Variants in GALNT18 observed in about 807,000 individuals in gnomAD.
GALNT18 encodes the protein polypeptide N-acetylgalactosaminyltransferase 18.
A neutral mutation model predicts 69.5 loss-of-function variants in GALNT18; 44 were observed. That is an observed-to-expected ratio of 0.63 (90% CI 0.50 to 0.81). The LOEUF (loss-of-function observed/expected upper bound fraction) is 0.81, where lower values mean the gene tolerates loss of function less well. GALNT18 is among the 40% of genes least tolerant of loss of function. The pLI is 0.00. For missense variants in GALNT18, 715 were observed against 810.0 expected (o/e 0.88, Z 1.42); for synonymous variants, 364 against 318.2 (o/e 1.14, Z -1.53).
In GALNT18 at chr11:11,563,723, C is replaced by T. The variant is rs899740356; in HGVS notation, c.235+57636G>A. ...CCAACGCCAAGTCTAACACTCTCTC[C>T]TCCCAGCCCTGCCTCCCTAGCACCA... On this transcript the variant is annotated intron_variant, in intron 1 of 10. Transcript: ENST00000227756. The surrounding 1 kb of genome is among the most constrained non-coding windows in gnomAD (Gnocchi z 4.6). Among the ~76,000 whole-genome samples, 2 of 152,216 alleles carry T rather than the reference C, an allele frequency of 1.3e-5. No individual in the cohort carries two copies. Among genetic ancestry groups the T allele is most frequent in the Non-Finnish European group, 2.9e-5 (2 of 68,050 alleles).
intron 3 of GALNT18, among the ~76,000 whole-genome samples, chr11:11,411,395 T>C (rs1438594819): frequency 6.6e-6 from 1 of 152,216 alleles, no homozygotes; most frequent in Non-Finnish European, 1.5e-5. Flanking sequence ...CCTTGCTTAT[T>C]ATAAGCCTTG....
At chr11:11,395,817 A>G (rs1854312639) in intron 3 of GALNT18, among the ~76,000 whole-genome samples, 1 of 152,192 alleles carries the variant, frequency 6.6e-6, no homozygotes, top group Non-Finnish European at 1.5e-5. Flanking sequence ...AAGGATGGAG[A>G]GCAGGCTCTG....
intron 4 of GALNT18, among the ~76,000 whole-genome samples, chr11:11,378,162 T>G (rs1216506503): frequency 6.6e-6 from 1 of 152,224 alleles, no homozygotes; most frequent in East Asian, 1.9e-4. Flanking sequence ...ATGGCTGTGT[T>G]GCAGCCTTCA....
At chr11:11,516,544 T>A (rs530405911) in intron 1 of GALNT18, among the ~76,000 whole-genome samples, 64 of 152,162 alleles carry the variant, frequency 4.2e-4, no homozygotes, top group Non-Finnish European at 7.2e-4. Context: ...GGCAGAAGAA[T>A]CACTTGAACC....
intron 6 of GALNT18, among the ~76,000 whole-genome samples, chr11:11,364,363 A>G (rs1210825994): frequency 6.6e-6 from 1 of 152,240 alleles, no homozygotes; most frequent in Admixed American, 6.5e-5. Context: ...AGGAACACAC[A>G]TACTGTCTAT....
At chr11:11,358,859 A>ACACACACACACACACACACACACG (rs1554921791) in intron 6 of GALNT18, among the ~76,000 whole-genome samples, 1 of 130,010 alleles carries the variant, frequency 7.7e-6, no homozygotes, top group African/African-American at 3.0e-5. Flanking sequence ...ACACACACAC[A>ACACACACACACACACACACACACG]CACGCACAGA....
chr11:11,340,800 C>T lies in GALNT18; in HGVS notation c.1278+19G>A, dbSNP rs757746786. On this transcript the variant is annotated intron_variant, in intron 7 of 10. Coordinates refer to ENST00000227756, the MANE Select transcript of GALNT18 (RefSeq NM_198516.3). This position sits in a 1 kb window ranked among gnomAD's most constrained non-coding sequence, Gnocchi z 4.2. Reference sequence around the variant, plus strand: ...TTCCACCAATCCCCGAGAAACTCATCCCTACCGGAGATCCCTACCTCCTGC... The same window carrying T: ...TTCCACCAATCCCCGAGAAACTCATTCCTACCGGAGATCCCTACCTCCTGC... The T allele has an allele frequency of 2.3e-5, 37 of 1,586,150 alleles. No individual in the cohort carries two copies. The Admixed American group carries it at 6.4e-4, about 27-fold the overall frequency.
chr11:11,352,361 A>G, intron 6 of GALNT18: 1 of 1,614,098 alleles, frequency 6.2e-7, no homozygotes, highest in Admixed American at 1.7e-5. Context: ...AGCCATATAA[A>G]TCTTCTGTCC....
rs992894844 is a variant in GALNT18, at chr11:11,543,766, G to C, written c.235+77593C>G. On this transcript the variant is annotated intron_variant, in intron 1 of 10. Coordinates refer to ENST00000227756, the MANE Select transcript of GALNT18 (RefSeq NM_198516.3). This position sits in a 1 kb window ranked among gnomAD's most constrained non-coding sequence, Gnocchi z 5.1. The stretch of plus-strand genomic sequence containing the variant: ...ACTGACTCCTACATCCCATGGCTCT[G>C]TGATGTGACTGGGGCCCCGAATGTG... Among the ~76,000 whole-genome samples, 1 of 152,234 alleles carries C rather than the reference G, an allele frequency of 6.6e-6. No individual in the cohort carries two copies. The highest frequency in any genetic ancestry group is 2.1e-4 in the South Asian group (1 of 4,832).
intron 1 of GALNT18, among the ~76,000 whole-genome samples, chr11:11,533,938 A>T (rs896997672): frequency 6.6e-6 from 1 of 152,168 alleles, no homozygotes; most frequent in Non-Finnish European, 1.5e-5. Flanking sequence ...TCTGTCATGT[A>T]CCCCAGCCCC....
chr11:11,276,864 C>G (rs924830465), intron 10 of GALNT18, among the ~76,000 whole-genome samples: 73 of 152,302 alleles, frequency 4.8e-4, no homozygotes, highest in African/African-American at 1.5e-3. Context: ...ATGAAGCTGA[C>G]TTGATCATGG....
Position 11,314,580 on chromosome 11 carries a change from C to A in GALNT18, c.1512+12506G>T, listed in dbSNP as rs11021795. ...CTGGTCTGCCTCTCTTTTGCAACTA[C>A]CAAAAGAGAAATGGAAATAAGGTTC... is the stretch of plus-strand genomic sequence containing the variant. On this transcript the variant is annotated intron_variant, in intron 9 of 10. Transcript: ENST00000227756. The surrounding 1 kb of genome is among the most constrained non-coding windows in gnomAD (Gnocchi z 5.2). Among the ~76,000 whole-genome samples the A allele has an allele frequency of 0.19, 28,424 of 152,024 alleles. 3,498 individuals are homozygous for A. The highest frequency in any genetic ancestry group is 0.47 in the East Asian group (2,403 of 5,140).
intron 9 of GALNT18, among the ~76,000 whole-genome samples, chr11:11,295,605 A>C (rs182371274): frequency 1.1e-4 from 16 of 152,202 alleles, no homozygotes; most frequent in African/African-American, 2.9e-4. Context: ...ATTTCCATTG[A>C]AATGTTCCAT....
chr11:11,604,083 C>A lies in GALNT18; in HGVS notation c.235+17276G>T, dbSNP rs202235095. Among the ~76,000 whole-genome samples the A allele has an allele frequency of 3.3e-5, 5 of 152,292 alleles. No individual in the cohort carries two copies. The East Asian group carries it at 9.7e-4, about 29-fold the overall frequency. On this transcript the variant is annotated intron_variant, in intron 1 of 10. Transcript: ENST00000227756. The surrounding 1 kb of genome is among the most constrained non-coding windows in gnomAD (Gnocchi z 5.6). ...ATCTACGAGCAAGAAATTGGGCCCTCACCAAACACAGAATCCGCTATGCCT... is the reference window on the plus strand; with the variant it reads ...ATCTACGAGCAAGAAATTGGGCCCTAACCAAACACAGAATCCGCTATGCCT...
chr11:11,442,087 G>T (rs919706182), intron 2 of GALNT18, among the ~76,000 whole-genome samples: 2 of 152,184 alleles, frequency 1.3e-5, no homozygotes. Flanking sequence ...TGGAATCGGG[G>T]TGTGCAGCAC....
intron 1 of GALNT18, among the ~76,000 whole-genome samples, chr11:11,502,165 G>A (rs1264791210): frequency 1.3e-5 from 2 of 152,178 alleles, no homozygotes; most frequent in African/African-American, 2.4e-5. Flanking sequence ...CTCATAAAGC[G>A]AGGCTCAGAC....
chr11:11,378,991 T>A, intron 4 of GALNT18, 90 bp downstream of exon 4: 1 of 1,241,304 alleles, frequency 8.1e-7, no homozygotes, highest in Non-Finnish European at 1.1e-6. Flanking sequence ...TCCCTTAGGC[T>A]ATGACCAAGA....
chr11:11,422,893 G>T (rs72858982), intron 3 of GALNT18, among the ~76,000 whole-genome samples: 4 of 152,290 alleles, frequency 2.6e-5, no homozygotes, highest in Non-Finnish European at 5.9e-5. Context: ...ATTCACAGTT[G>T]TGCAATTATT....
At chr11:11,385,667 G>A (rs1854039446) in intron 3 of GALNT18, among the ~76,000 whole-genome samples, 1 of 152,202 alleles carries the variant, frequency 6.6e-6, no homozygotes, top group South Asian at 2.1e-4. Context: ...GGGAGAGTAA[G>A]CAGGAAATGC....
Sources: gnomAD v4.1 joint callset for allele counts (sites outside exome capture counted in the v4.1 genomes callset) on GRCh38, gnomAD v4.1.1 for gene constraint, Gnocchi (gnomAD v3.1) non-coding constraint, MANE v1.5 for transcripts, NCBI Gene and HGNC (gene_info 2026-07-23, HGNC 2026-07-21) for gene names.